Variants in LHPP observed in about 807,000 individuals in gnomAD.
The protein encoded by LHPP is phospholysine phosphohistidine inorganic pyrophosphate phosphatase.
A neutral mutation model predicts 30.3 loss-of-function variants in LHPP; 24 were observed. The ratio of observed to expected loss-of-function variants is 0.79; its 90% CI spans 0.57 to 1.11. LHPP has a LOEUF of 1.11. Ranked by LOEUF, LHPP falls within the 50% of genes most tolerant of loss-of-function variation. The pLI, the probability that LHPP is intolerant of heterozygous loss-of-function variation, is 0.00. For missense variants in LHPP, 356 were observed against 367.2 expected (o/e 0.97, Z 0.25); for synonymous variants, 150 against 157.1 (o/e 0.95, Z 0.34).
At chr10:124,547,652 C>G (rs1032868551) in intron 6 of LHPP, among the ~76,000 whole-genome samples, 2 of 152,248 alleles carry the variant, frequency 1.3e-5, no homozygotes, top group Non-Finnish European at 2.9e-5. Context: ...GGAATTCTGG[C>G]TGCCTGGTGG....
rs535898807 is a variant in LHPP at position 124,468,928 on chromosome 10, C to T, written c.125+6941C>T. On this transcript the variant is annotated intron_variant, in intron 1 of 6. Transcript: ENST00000368842. ...AAACGCCCCCTCCAGGAAAGTGTGC[C>T]TGCTTTTGGAATTTTCCCTGGGGAT... Among the ~76,000 whole-genome samples the T allele has an allele frequency of 2.5e-4, 38 of 152,338 alleles. No individual in the cohort carries two copies. In the South Asian group the frequency reaches 7.0e-3, roughly 28 times the overall value.
chr10:124,521,438 G>A (rs941619147), intron 6 of LHPP, among the ~76,000 whole-genome samples: 1 of 152,242 alleles, frequency 6.6e-6, no homozygotes, highest in East Asian at 1.9e-4. Flanking sequence ...GAGGCATGTC[G>A]TCGCAACCCT....
intron 6 of LHPP, among the ~76,000 whole-genome samples, chr10:124,518,936 TTTTTTG>T (rs952644734): frequency 6.6e-6 from 1 of 152,028 alleles, no homozygotes; most frequent in Non-Finnish European, 1.5e-5. Context: ...GAAACTCTGT[TTTTTTG>T]TTTTTGTTTT....
At chr10:124,587,983 A>G (rs866754817) in intron 6 of LHPP, among the ~76,000 whole-genome samples, 2 of 152,186 alleles carry the variant, frequency 1.3e-5, no homozygotes, top group Non-Finnish European at 2.9e-5. Context: ...CGTGATAAAC[A>G]CAGCCTCACC....
chr10:124,526,177 G>T (rs1483844033), intron 6 of LHPP: 2 of 985,392 alleles, frequency 2.0e-6, no homozygotes, highest in East Asian at 1.1e-4. Flanking sequence ...TGCAAGGCAC[G>T]TGCTCTGGAC....
chr10:124,606,566 G>T (rs1340804778), intron 6 of LHPP, among the ~76,000 whole-genome samples: 2 of 152,224 alleles, frequency 1.3e-5, no homozygotes, highest in Non-Finnish European at 2.9e-5. Context: ...GTGCAGTCTT[G>T]CCTCTTTTGT....
chr10:124,507,034 TGA>T (rs1227749043), intron 5 of LHPP, among the ~76,000 whole-genome samples: 7 of 7,002 alleles, frequency 1.0e-3, no homozygotes, highest in African/African-American at 4.2e-3. Context: ...GGATTTCAGG[TGA>T]GGGGGGTAGG....
intron 6 of LHPP, among the ~76,000 whole-genome samples, chr10:124,547,504 A>G (rs116280258): frequency 6.6e-6 from 1 of 152,344 alleles, no homozygotes; most frequent in African/African-American, 2.4e-5. Flanking sequence ...GCATGCAAAT[A>G]GGGTGAGCTT....
chr10:124,602,369 C>T (rs1949034938), intron 6 of LHPP, among the ~76,000 whole-genome samples: 1 of 152,226 alleles, frequency 6.6e-6, no homozygotes, highest in African/African-American at 2.4e-5. Flanking sequence ...AGGTGTGGGC[C>T]CATTGTGGTA....
intron 5 of LHPP, among the ~76,000 whole-genome samples, chr10:124,508,841 GT>G (rs769687118): frequency 2.0e-5 from 3 of 151,950 alleles, no homozygotes; most frequent in Non-Finnish European, 4.4e-5. Flanking sequence ...TGAAATCTGA[GT>G]TTTCCCCCTT....
Position 124,596,825 on chromosome 10 carries a change from T to C in LHPP, c.717-16439T>C, listed in dbSNP as rs72839010. ...AATATGAGGTGTCAACCTGATTGGA[T>C]TGAAGGATGCCTAGATGGCTGGTAA... On this transcript the variant is annotated intron_variant, in intron 6 of 6. Coordinates refer to ENST00000368842, the MANE Select transcript of LHPP (RefSeq NM_022126.4). This position sits in a 1 kb window ranked among gnomAD's most constrained non-coding sequence, Gnocchi z 4.6. Among the ~76,000 whole-genome samples the C allele has an allele frequency of 0.042, 6,412 of 152,246 alleles. 297 individuals are homozygous for C. Among genetic ancestry groups the C allele is most frequent in the East Asian group, 0.21 (1,092 of 5,170 alleles).
chr10:124,508,017 C>G (rs1286338730), intron 5 of LHPP, among the ~76,000 whole-genome samples: 4 of 151,844 alleles, frequency 2.6e-5, no homozygotes, highest in Admixed American at 2.6e-4. Flanking sequence ...TATCCAGAGG[C>G]CTGGCCATAT....
chr10:124,548,302 T>A (rs1326621640), intron 6 of LHPP, among the ~76,000 whole-genome samples: 1 of 152,160 alleles, frequency 6.6e-6, no homozygotes, highest in East Asian at 1.9e-4. Flanking sequence ...GGCTCCCGCA[T>A]GAGCTGGGTG....
chr10:124,546,855 TA>T (rs1554890276), intron 6 of LHPP, among the ~76,000 whole-genome samples: 1 of 152,136 alleles, frequency 6.6e-6, no homozygotes, highest in Non-Finnish European at 1.5e-5. Context: ...AGTTTTTAGA[TA>T]CAAAAATAGT....
At chr10:124,515,164 T>C (rs1210445303) in intron 5 of LHPP, among the ~76,000 whole-genome samples, 2 of 152,198 alleles carry the variant, frequency 1.3e-5, no homozygotes, top group Non-Finnish European at 2.9e-5. Context: ...GTGCCATAGC[T>C]CACTGATGCT....
chr10:124,587,900 T>C (rs551227866), intron 6 of LHPP, among the ~76,000 whole-genome samples: 1 of 152,108 alleles, frequency 6.6e-6, no homozygotes, highest in African/African-American at 2.4e-5. Flanking sequence ...TGAATGCAGG[T>C]TGGGGGACAG....
At chr10:124,548,652 C>A (rs1955409535) in intron 6 of LHPP, among the ~76,000 whole-genome samples, 1 of 152,222 alleles carries the variant, frequency 6.6e-6, no homozygotes, top group South Asian at 2.1e-4. Flanking sequence ...GCTCACTGAG[C>A]AGGGCCTGCT....
chr10:124,496,130 A>G lies in LHPP; in HGVS notation c.468-831A>G, dbSNP rs1953701735. 6.6e-6 allele frequency among the ~76,000 whole-genome samples: 1 copy of G among 152,278 alleles called. No individual in the cohort carries two copies. The highest frequency in any genetic ancestry group is 1.9e-4 in the East Asian group (1 of 5,180). On this transcript the variant is annotated intron_variant, in intron 3 of 6. Coordinates refer to ENST00000368842, the MANE Select transcript of LHPP (RefSeq NM_022126.4). The surrounding 1 kb of genome is among the most constrained non-coding windows in gnomAD (Gnocchi z 4.3). ...TTCCAAGAATCAAGCCCCCTTGTGT[A>G]TTCTTGGCTTTCAATGAACTGCGTC...
At chr10:124,481,373 CTTT>C (rs34839158) in intron 1 of LHPP, among the ~76,000 whole-genome samples, 6 of 85,024 alleles carry the variant, frequency 7.1e-5, no homozygotes, top group African/African-American at 1.8e-4. Flanking sequence ...TATCTGCCCC[CTTT>C]TTTTTTTTTT....
Sources: gnomAD v4.1 joint callset for allele counts (sites outside exome capture counted in the v4.1 genomes callset) on GRCh38, gnomAD v4.1.1 for gene constraint, Gnocchi (gnomAD v3.1) non-coding constraint, MANE v1.5 for transcripts, NCBI Gene and HGNC (gene_info 2026-07-23, HGNC 2026-07-21) for gene names.